EFHC1: variants seen among roughly 807,000 people sequenced by gnomAD.
EFHC1 encodes the protein EF-hand domain containing 1.
In EFHC1, 53 loss-of-function variants were observed where a neutral mutation model predicts 69.9. That is an observed-to-expected ratio of 0.76 (90% CI 0.61 to 0.95). EFHC1 has a LOEUF of 0.95. EFHC1 is among the 40% of genes least tolerant of loss of function. The probability of loss-of-function intolerance (pLI) is 0.00; values close to 1 mark genes in which losing one functional copy is unlikely to be tolerated. For missense variants in EFHC1, 739 were observed against 798.7 expected, an observed-to-expected ratio of 0.93 and a Z score of 0.90; for synonymous variants, 256 against 278.4, an observed-to-expected ratio of 0.92 and a Z score of 0.80.
chr6:52,456,523 A>G (rs1050445802), intron 5 of EFHC1, among the ~76,000 whole-genome samples: 1 of 152,206 alleles, frequency 6.6e-6, no homozygotes, highest in South Asian at 2.1e-4. Flanking sequence ...TGAAAACTTA[A>G]TATATAATTA....
chr6:52,490,122 T>C lies in EFHC1; in HGVS notation c.1641-18T>C. 6.2e-7 allele frequency: 1 copy of C among 1,611,252 alleles called. No individual in the cohort carries two copies. Among genetic ancestry groups the C allele is most frequent in the Non-Finnish European group, 8.5e-7 (1 of 1,177,746 alleles). The stretch of plus-strand genomic sequence containing the variant: ...AGAATAAATACCATGTGCAGTCATT[T>C]CCTTCCTTTCTCTACAGCAAGCAAA... On this transcript the variant is annotated intron_variant, in intron 9 of 10. Coordinates refer to ENST00000371068, the MANE Select transcript of EFHC1 (RefSeq NM_018100.4).
At chr6:52,481,814 G>A (rs78153267) in intron 9 of EFHC1, 26,345 of 152,112 alleles carry the variant, frequency 0.17, 2,597 homozygotes, top group Non-Finnish European at 0.22. Context: ...CCTGGCCTGG[G>A]TGAAATCTCT....
intron 3 of EFHC1, among the ~76,000 whole-genome samples, chr6:52,441,225 A>G (rs1199569698): frequency 1.3e-5 from 2 of 152,108 alleles, no homozygotes; most frequent in African/African-American, 4.8e-5. Flanking sequence ...TATGTTTAGA[A>G]TAGTGTTGCC....
At chr6:52,438,070 G>A (rs111997799) in intron 2 of EFHC1, among the ~76,000 whole-genome samples, 1 of 152,090 alleles carries the variant, frequency 6.6e-6, no homozygotes, top group African/African-American at 2.4e-5. Context: ...ATTTAAATAT[G>A]TAAAACCCAC....
chr6:52,479,239 C>T lies in EFHC1; in HGVS notation c.1481C>T (p.Ala494Val), dbSNP rs1765615502. ...GGCCCCAGTGACTTCTTCATTGGTGCTGTGATTGAAGGTAGGTCTAAACAC... is the reference window on the plus strand; with the variant it reads ...GGCCCCAGTGACTTCTTCATTGGTGTTGTGATTGAAGGTAGGTCTAAACAC... The part of the protein sequence containing the change: ...YYGPSDFFIG[A>V]VIEVFGHRFI... Residue 494 changes from alanine (A) to valine (V), a missense_variant, in exon 8 of 11, where the codon GCT becomes GTT. Ala to Val is a moderately conservative substitution (Grantham distance 64). Transcript: ENST00000371068. 6.2e-7 allele frequency: 1 copy of T among 1,613,904 alleles called. No individual in the cohort carries two copies. Among genetic ancestry groups the T allele is most frequent in the South Asian group, 1.1e-5 (1 of 91,084 alleles).
Position 52,424,074 on chromosome 6 carries a change from G to A in EFHC1, c.192G>A (p.Glu64=). ...AGCTGTCCCAGGCTGAGCTGGATGA[G>A]TTGGCCAGTAAGGCACCAGTCTTAA... ...FNQLSQAELD[E]LASKAPVLTY... Residue 64 remains glutamate (E), a synonymous_variant, in exon 2 of 11, where the codon GAG becomes GAA. Transcript: ENST00000371068. 1 of 1,614,182 alleles carries A rather than the reference G, an allele frequency of 6.2e-7. No individual in the cohort carries two copies. The highest frequency in any genetic ancestry group is 1.1e-5 in the South Asian group (1 of 91,088).
chr6:52,449,017 A>G (rs1015795389), intron 3 of EFHC1, among the ~76,000 whole-genome samples: 1 of 152,192 alleles, frequency 6.6e-6, no homozygotes, highest in Non-Finnish European at 1.5e-5. Context: ...TATCAGAATG[A>G]TGCTGGCCTC....
chr6:52,454,343 G>A, intron 5 of EFHC1, 56 bp downstream of exon 5: 1 of 1,607,926 alleles, frequency 6.2e-7, no homozygotes. Context: ...GTTCTTAAAG[G>A]AGTTACTTAA....
chr6:52,438,115 A>T (rs1381559066), intron 2 of EFHC1, among the ~76,000 whole-genome samples, 189 bp from the exon 3 acceptor site: 6 of 152,218 alleles, frequency 3.9e-5, no homozygotes, highest in Non-Finnish European at 7.3e-5. Flanking sequence ...AACAGGTGGC[A>T]GGTTAGATTT....
intron 5 of EFHC1, among the ~76,000 whole-genome samples, chr6:52,454,531 A>G (rs1764997263): frequency 6.6e-6 from 1 of 152,230 alleles, no homozygotes; most frequent in African/African-American, 2.4e-5. Context: ...AGATTTATTT[A>G]AAGTGCAGCA....
Position 52,454,261 on chromosome 6 carries a change from T to C in EFHC1, c.890T>C (p.Val297Ala). 3 of 1,614,194 alleles carry C rather than the reference T, an allele frequency of 1.9e-6. No individual in the cohort carries two copies. The highest frequency in any genetic ancestry group is 2.5e-6 in the Non-Finnish European group (3 of 1,180,012). ...CCACTCCTAATGAACCGCCAGCGTG[T>C]GCCCAAAGTTTTGGTGGAAAATGCA... The part of the protein sequence containing the change: ...PFPLLMNRQR[V>A]PKVLVENAKN... Residue 297 changes from valine (V) to alanine (A), a missense_variant, in exon 5 of 11, where the codon GTG (valine) becomes GCG (alanine). Transcript: ENST00000371068.
intron 6 of EFHC1, among the ~76,000 whole-genome samples, chr6:52,467,689 C>T (rs1200549339): frequency 2.6e-5 from 4 of 152,158 alleles, no homozygotes; most frequent in Non-Finnish European, 4.4e-5. Flanking sequence ...TATAATAAAA[C>T]TAATTTTATA....
chr6:52,471,878 AAAAT>A (rs1581842549), intron 7 of EFHC1, among the ~76,000 whole-genome samples: 1 of 151,664 alleles, frequency 6.6e-6, no homozygotes, highest in African/African-American at 2.4e-5. Context: ...AAAATAAAAT[AAAAT>A]AAATAAATAA....
chr6:52,434,475 C>T (rs1199739992), intron 2 of EFHC1, among the ~76,000 whole-genome samples: 6 of 152,258 alleles, frequency 3.9e-5, no homozygotes, highest in Non-Finnish European at 7.4e-5. Flanking sequence ...GGTGTGTGTT[C>T]GGGGACAGAT....
At chr6:52,489,965 C>T (rs1765861804) in intron 9 of EFHC1, among the ~76,000 whole-genome samples, 175 bp from the exon 10 acceptor site, 1 of 152,170 alleles carries the variant, frequency 6.6e-6, no homozygotes, top group Non-Finnish European at 1.5e-5. Context: ...GTCGGGCCTT[C>T]CTGATGTGGA....
chr6:52,441,514 A>G (rs1020197365), intron 3 of EFHC1, among the ~76,000 whole-genome samples: 10 of 152,088 alleles, frequency 6.6e-5, no homozygotes, highest in African/African-American at 2.4e-4. Context: ...GCCCTGTAGT[A>G]TAGTTTGAAG....
chr6:52,484,846 A>C (rs9370124), intron 9 of EFHC1, among the ~76,000 whole-genome samples: 1,644 of 152,210 alleles, frequency 0.011, 21 homozygotes, highest in South Asian at 0.073. Flanking sequence ...ATAGAGGGAG[A>C]TGTTGGAGGT....
At chr6:52,452,648 C>G (rs1345917754) in intron 3 of EFHC1, 40 bp from the exon 4 acceptor site, 2 of 1,607,878 alleles carry the variant, frequency 1.2e-6, no homozygotes, top group South Asian at 2.2e-5. Flanking sequence ...CTCTGAAAAG[C>G]TCCAAGAAAG....
intron 5 of EFHC1, among the ~76,000 whole-genome samples, chr6:52,461,516 T>C (rs1394755100): frequency 6.6e-6 from 1 of 152,186 alleles, no homozygotes; most frequent in Non-Finnish European, 1.5e-5. Context: ...TTATGAATAG[T>C]GCTGCAGTGA....
Sources: allele counts gnomAD v4.1 joint callset (sites outside exome capture counted in the v4.1 genomes callset), GRCh38; gene constraint gnomAD v4.1.1; transcripts MANE v1.5; gene names NCBI Gene and HGNC (gene_info 2026-07-23, HGNC 2026-07-21).